The following GAB2 variants were observed in gnomAD, a reference collection of about 807,000 sequenced individuals.
The protein encoded by GAB2 is GRB2-associated-binding protein 2.
A neutral mutation model predicts 65.5 loss-of-function variants in GAB2; 26 were observed. The ratio of observed to expected loss-of-function variants is 0.40; its 90% CI spans 0.29 to 0.55. The LOEUF (loss-of-function observed/expected upper bound fraction) is 0.55. Among genes scored for constraint, GAB2 ranks in the 20% least tolerant of loss-of-function variants. The pLI, the probability that GAB2 is intolerant of heterozygous loss-of-function variation, is 0.53. For synonymous variants in GAB2, 321 were observed against 329.6 expected, an observed-to-expected ratio of 0.97 and a Z score of 0.28; for missense variants, 884 against 875.8, an observed-to-expected ratio of 1.01 and a Z score of -0.12.
intron 1 of GAB2, among the ~76,000 whole-genome samples, chr11:78,316,868 A>C (rs150468354): frequency 1.3e-5 from 2 of 152,374 alleles, no homozygotes; most frequent in East Asian, 3.9e-4. Flanking sequence ...CAGAAGAGCC[A>C]AAAGGTGGAA....
chr11:78,252,083 G>C (rs996269895), intron 2 of GAB2, among the ~76,000 whole-genome samples: 1 of 152,222 alleles, frequency 6.6e-6, no homozygotes, highest in African/African-American at 2.4e-5. Flanking sequence ...TTCAACTCAT[G>C]TCAAAGGGGA....
chr11:78,365,848 T>C (rs975535140), intron 1 of GAB2, among the ~76,000 whole-genome samples: 2 of 152,182 alleles, frequency 1.3e-5, no homozygotes, highest in Admixed American at 6.5e-5. Flanking sequence ...AATTCCGCAG[T>C]CCAGAATGAC....
At chr11:78,256,464 A>G (rs1865598643) in intron 2 of GAB2, among the ~76,000 whole-genome samples, 1 of 152,146 alleles carries the variant, frequency 6.6e-6, no homozygotes, top group Non-Finnish European at 1.5e-5. Context: ...GATGTGAAAA[A>G]GATTAGTGGT....
At chr11:78,252,937 C>G (rs957340594) in intron 2 of GAB2, among the ~76,000 whole-genome samples, 1 of 151,504 alleles carries the variant, frequency 6.6e-6, no homozygotes, top group Admixed American at 6.6e-5. Flanking sequence ...AACCATGTCA[C>G]GTCATTATGT....
intron 1 of GAB2, among the ~76,000 whole-genome samples, chr11:78,397,252 G>A (rs751120451): frequency 2.6e-5 from 4 of 151,288 alleles, no homozygotes; most frequent in Non-Finnish European, 2.9e-5. Flanking sequence ...TCTTTTTTTC[G>A]CCAAGGCAAT....
At position 78,368,668 on chromosome 11, in the gene GAB2, A is replaced by T. The variant is rs114908895; in HGVS notation, c.75+48978T>A. ...AATAAAAGCTGGTCTTTCACTACAT[A>T]TGTTTGTAACAGAACTACACAGCAT... On this transcript the variant is annotated intron_variant, in intron 1 of 9. Coordinates refer to ENST00000361507, the MANE Select transcript of GAB2 (RefSeq NM_080491.3). 8.9e-3 allele frequency among the ~76,000 whole-genome samples: 1,362 copies of T among 152,232 alleles called. 22 individuals are homozygous for T. Among genetic ancestry groups the T allele is most frequent in the African/African-American group, 0.031 (1,293 of 41,548 alleles).
intron 2 of GAB2, among the ~76,000 whole-genome samples, chr11:78,272,168 C>G (rs572394154): frequency 1.3e-5 from 2 of 152,130 alleles, no homozygotes; most frequent in South Asian, 4.2e-4. Context: ...TGGACTAATA[C>G]AGAAAATTGG....
chr11:78,255,591 G>A (rs908347357), intron 2 of GAB2, among the ~76,000 whole-genome samples: 9 of 152,184 alleles, frequency 5.9e-5, no homozygotes, highest in Non-Finnish European at 1.3e-4. Context: ...TGCCCCAATA[G>A]ATGAGGTTCC....
At chr11:78,279,533 G>A (rs899886596) in intron 2 of GAB2, among the ~76,000 whole-genome samples, 1 of 152,096 alleles carries the variant, frequency 6.6e-6, no homozygotes, top group Non-Finnish European at 1.5e-5. Context: ...ACTCATGAAA[G>A]TGTACAAATA....
intron 1 of GAB2, among the ~76,000 whole-genome samples, chr11:78,347,090 TTTAATTTAATC>T (rs745722480): frequency 1.4e-4 from 22 of 151,996 alleles, no homozygotes; most frequent in Non-Finnish European, 3.1e-4. Flanking sequence ...TGGCCAAACG[TTTAATTTAATC>T]TTTCTGATGG....
chr11:78,332,918 T>A (rs557771983), intron 1 of GAB2, among the ~76,000 whole-genome samples: 373 of 152,310 alleles, frequency 2.4e-3, no homozygotes, highest in Non-Finnish European at 4.3e-3. Context: ...CCCTTTGCCT[T>A]GTCTTATACC....
At chr11:78,299,176 C>T (rs764065080) in intron 1 of GAB2, among the ~76,000 whole-genome samples, 3 of 152,146 alleles carry the variant, frequency 2.0e-5, no homozygotes, top group African/African-American at 4.8e-5. Context: ...GACTTAGTGA[C>T]CTGCACTAGA....
At chr11:78,336,357 A>G (rs1161714150) in intron 1 of GAB2, among the ~76,000 whole-genome samples, 4 of 147,298 alleles carry the variant, frequency 2.7e-5, no homozygotes, top group Non-Finnish European at 5.9e-5. Context: ...AAAAAAAAAA[A>G]AAAAACACAA....
chr11:78,382,460 G>A (rs1001966789), intron 1 of GAB2, among the ~76,000 whole-genome samples: 1 of 151,426 alleles, frequency 6.6e-6, no homozygotes, highest in African/African-American at 2.4e-5. Context: ...CTCACTGCAA[G>A]TGCTGGAGCA....
At chr11:78,343,174 T>C (rs1408978708) in intron 1 of GAB2, among the ~76,000 whole-genome samples, 2 of 152,194 alleles carry the variant, frequency 1.3e-5, no homozygotes, top group East Asian at 1.9e-4. Flanking sequence ...AGTTTATCTA[T>C]TTCTAGAAAA....
At chr11:78,378,319 G>A (rs1003521257) in intron 1 of GAB2, among the ~76,000 whole-genome samples, 13 of 152,170 alleles carry the variant, frequency 8.5e-5, no homozygotes, top group African/African-American at 2.7e-4. Flanking sequence ...AAATATGATT[G>A]TGTGCCCAAG....
intron 2 of GAB2, among the ~76,000 whole-genome samples, chr11:78,257,792 G>A (rs1865631603): frequency 6.6e-6 from 1 of 152,036 alleles, no homozygotes; most frequent in South Asian, 2.1e-4. Context: ...AGTCTACCCT[G>A]TGAGGTACAT....
At chr11:78,310,474 CT>C (rs1300763586) in intron 1 of GAB2, among the ~76,000 whole-genome samples, 1 of 142,436 alleles carries the variant, frequency 7.0e-6, no homozygotes, top group East Asian at 2.1e-4. Flanking sequence ...GATCGTGCCA[CT>C]TGCACTCCAG....
At chr11:78,260,408 G>A (rs879745397) in intron 2 of GAB2, among the ~76,000 whole-genome samples, 7 of 152,130 alleles carry the variant, frequency 4.6e-5, no homozygotes, top group Middle Eastern at 3.2e-3. Flanking sequence ...TCTTTGGCTC[G>A]AGGCATCTCA....
Sources: gnomAD v4.1 joint callset for allele counts (sites outside exome capture counted in the v4.1 genomes callset) on GRCh38, gnomAD v4.1.1 for gene constraint, MANE v1.5 for transcripts, NCBI Gene and HGNC (gene_info 2026-07-23, HGNC 2026-07-21) for gene names.